LZTS2: variants seen among roughly 807,000 people sequenced by gnomAD.
LZTS2 encodes leucine zipper putative tumor suppressor 2.
A neutral mutation model predicts 60.6 loss-of-function variants in LZTS2; 32 were observed. The observed-to-expected ratio is 0.53, with a 90% confidence interval of 0.40 to 0.71. The LOEUF is 0.71. Ranked by LOEUF, LZTS2 falls within the 30% of genes least tolerant of loss-of-function variation. The pLI is 0.00. For synonymous variants in LZTS2, 360 were observed against 393.1 expected, an observed-to-expected ratio of 0.92 and a Z score of 1.00; for missense variants, 792 against 901.9, an observed-to-expected ratio of 0.88 and a Z score of 1.56.
chr10:101,005,869 A>AG (rs981487702), intron 3 of LZTS2, among the ~76,000 whole-genome samples, 154 bp downstream of exon 4: 103 of 151,800 alleles, frequency 6.8e-4, no homozygotes, highest in African/African-American at 2.3e-3. Context: ...CCTTTCTGGG[A>AG]GGGGGGTCTC....
exon 2 of LZTS2, chr10:101,003,851 C>T (rs1852103999): frequency 1.9e-6 from 3 of 1,613,180 alleles, no homozygotes; most frequent in Admixed American, 1.7e-5. Flanking sequence ...CTTCCCATGG[C>T]TCTGGGCGAG....
At chr10:101,005,268 G>A (rs1218284651) in intron 2 of LZTS2, among the ~76,000 whole-genome samples, 190 bp from the exon 4 acceptor site, 1 of 152,168 alleles carries the variant, frequency 6.6e-6, no homozygotes, top group Non-Finnish European at 1.5e-5. Context: ...GAGCCACCGA[G>A]CCCGGTCTGC....
chr10:101,004,255 C>G lies in LZTS2; in HGVS notation c.1068+89C>G, dbSNP rs1019398863. The G allele has an allele frequency of 9.7e-6, 14 of 1,437,982 alleles. No individual in the cohort carries two copies. In the South Asian group the frequency reaches 1.3e-4, roughly 13 times the overall value. The allele number at this position is 1,437,982 out of a possible 1,614,324, so 89.1% of individuals were successfully genotyped here. Reference sequence around the variant, plus strand: ...GCGGCATTTCCATTTTGGCAGGGAACGGGGGTTGGGTAGTTGTAGTTGTGA... The same window carrying G: ...GCGGCATTTCCATTTTGGCAGGGAAGGGGGGTTGGGTAGTTGTAGTTGTGA... On this transcript the variant is annotated intron_variant, in intron 2 of 3. Transcript: ENST00000370220.
chr10:101,002,912 C>T, exon 1 of LZTS2: 1 of 1,612,802 alleles, frequency 6.2e-7, no homozygotes, highest in Non-Finnish European at 8.5e-7. Context: ...GGCCCACCAC[C>T]AAAGCTCATC....
exon 1 of LZTS2, chr10:101,001,790 T>C (rs1852045489): frequency 6.6e-6 from 1 of 152,292 alleles, no homozygotes; most frequent in Non-Finnish European, 1.5e-5. Flanking sequence ...GCAGAGCCTG[T>C]GGAGGCTCCT....
intron 1 of LZTS2, 78 bp from the exon 3 acceptor site, chr10:101,003,429 C>T (rs780308035): frequency 2.2e-5 from 31 of 1,438,924 alleles, no homozygotes; most frequent in South Asian, 4.5e-5. Context: ...GGACCCAAGA[C>T]GGGAGGGCAG....
At chr10:101,006,511 C>T in exon 4 of LZTS2, 1 of 1,610,862 alleles carries the variant, frequency 6.2e-7, no homozygotes, top group Non-Finnish European at 8.5e-7. Context: ...GCGAGATCTC[C>T]CTGCTGAAGC....
At chr10:100,996,702 G>A, upstream of LZTS2, 1 of 152,592 alleles carries the variant, frequency 6.6e-6, no homozygotes, top group Non-Finnish European at 1.5e-5. Flanking sequence ...GGTGGGAGCT[G>A]CTCTGGTGAA....
intron 2 of LZTS2, among the ~76,000 whole-genome samples, chr10:101,004,433 C>G (rs573774088): frequency 2.6e-5 from 4 of 151,876 alleles, no homozygotes; most frequent in African/African-American, 9.7e-5. Flanking sequence ...ATGGGGAAAC[C>G]CCATTTCTAC....
At chr10:100,999,659 G>A (rs1436138743) in exon 1 of LZTS2, 2 of 152,226 alleles carry the variant, frequency 1.3e-5, no homozygotes, top group Middle Eastern at 6.8e-3. Context: ...CAGCCCCTAC[G>A]TGCGCCCCGG....
At chr10:101,003,692 T>G in exon 2 of LZTS2, 1 of 1,612,966 alleles carries the variant, frequency 6.2e-7, no homozygotes, top group Non-Finnish European at 8.5e-7. Context: ...CCTCTTCAGC[T>G]GCTGACAAAC....
At chr10:101,007,355 C>CA (rs1852244484) in exon 4 of LZTS2, 2 of 1,418,868 alleles carry the variant, frequency 1.4e-6, no homozygotes, top group Non-Finnish European at 1.8e-6. Context: ...GGAGCAAGAT[C>CA]AGACCGCTCA....
Position 101,000,132 on chromosome 10 carries a change from C to T in LZTS2, c.-2407C>T, listed in dbSNP as rs1852003656. ...CAGAATGGGAACTCGTGATCGCAGA[C>T]TTGACCCCGCTTGACTGGTCCTTGG... On this transcript the variant is annotated 5_prime_UTR_variant, in exon 1 of 4. Transcript: ENST00000370220. 2.6e-5 allele frequency: 4 copies of T among 152,522 alleles called. No homozygotes were observed. In the South Asian group the frequency reaches 8.3e-4, roughly 32 times the overall value. The allele number at this position is 152,522 out of a possible 1,614,324, so 9.4% of individuals were successfully genotyped here. A position where few individuals can be genotyped will look rare whatever the true frequency, so the allele number is the denominator to read the frequency against.
chr10:101,002,136 C>T (rs1227009222), exon 1 of LZTS2: 1 of 166,610 alleles, frequency 6.0e-6, no homozygotes, highest in African/African-American at 2.4e-5. Flanking sequence ...GGACCAGGGA[C>T]CTGTGCTTCA....
At chr10:101,003,072 C>A in intron 1 of LZTS2, 126 bp downstream of exon 2, 1 of 1,194,548 alleles carries the variant, frequency 8.4e-7, no homozygotes, top group East Asian at 2.6e-5. Flanking sequence ...GGTCCTAATC[C>A]CAGCTCTCTC....
exon 4 of LZTS2, chr10:101,006,842 C>T (rs186903364): frequency 4.0e-5 from 62 of 1,537,990 alleles, no homozygotes; most frequent in African/African-American, 1.8e-4. Context: ...CAAAGTGCAG[C>T]GGGCAGCAGC....
exon 1 of LZTS2, chr10:101,001,842 G>C (rs1472671835): frequency 6.6e-6 from 1 of 152,290 alleles, no homozygotes; most frequent in Non-Finnish European, 1.5e-5. Flanking sequence ...CAGAGGCTAG[G>C]AGTTGTCATG....
chr10:101,002,696 C>G (rs745660690), exon 1 of LZTS2: 1 of 1,610,870 alleles, frequency 6.2e-7, no homozygotes, highest in Non-Finnish European at 8.5e-7. Context: ...CCTCCTGGGC[C>G]CACCTTCTTC....
At chr10:101,003,408 A>G (rs1429817913) in intron 1 of LZTS2, 99 bp from the exon 3 acceptor site, 4 of 1,277,844 alleles carry the variant, frequency 3.1e-6, no homozygotes, top group South Asian at 3.3e-5. Flanking sequence ...TTATGAATAT[A>G]TGGGCACTGG....
Sources: allele counts gnomAD v4.1 joint callset (sites outside exome capture counted in the v4.1 genomes callset), GRCh38; gene constraint gnomAD v4.1.1; transcripts MANE v1.5; gene names NCBI Gene and HGNC (gene_info 2026-07-23, HGNC 2026-07-21).